The following ERC2 variants were observed in gnomAD, a reference collection of about 807,000 sequenced individuals.
ERC2 encodes the protein ELKS/RAB6-interacting/CAST family member 2, also known as ERC protein 2.
In ERC2, 42 loss-of-function variants were observed where a neutral mutation model predicts 114.8. The ratio of observed to expected loss-of-function variants is 0.37; its 90% CI spans 0.29 to 0.47. The LOEUF is 0.47. Ranked by LOEUF, ERC2 falls within the 20% of genes least tolerant of loss-of-function variation. The pLI, the probability that ERC2 is intolerant of heterozygous loss-of-function variation, is 0.99. For synonymous variants in ERC2, 454 were observed against 425.5 expected (o/e 1.07, Z -0.82); for missense variants, 939 against 1,150.7 (o/e 0.82, Z 2.66).
chr3:55,729,292 T>C (rs2065104528), intron 15 of ERC2, among the ~76,000 whole-genome samples: 1 of 152,136 alleles, frequency 6.6e-6, no homozygotes, highest in African/African-American at 2.4e-5. Flanking sequence ...ACACTTCTGC[T>C]TCATTCCGTC....
intron 6 of ERC2, among the ~76,000 whole-genome samples, chr3:56,124,762 C>T (rs1264603331): frequency 6.6e-6 from 1 of 151,904 alleles, no homozygotes; most frequent in Non-Finnish European, 1.5e-5. Context: ...AGGTGTCTGC[C>T]AGGACATAAA....
intron 1 of ERC2, among the ~76,000 whole-genome samples, chr3:56,461,775 A>G (rs2063330088): frequency 6.6e-6 from 1 of 152,204 alleles, no homozygotes; most frequent in African/African-American, 2.4e-5. Flanking sequence ...CTGGACCCTA[A>G]ATTTCCAGAA....
At chr3:55,711,189 G>C (rs1226213802) in intron 15 of ERC2, among the ~76,000 whole-genome samples, 1 of 152,136 alleles carries the variant, frequency 6.6e-6, no homozygotes, top group Non-Finnish European at 1.5e-5. Flanking sequence ...CATTTCCTTT[G>C]AGATAGGAGC....
intron 2 of ERC2, among the ~76,000 whole-genome samples, chr3:56,335,228 A>G (rs2057795994): frequency 6.6e-6 from 1 of 152,260 alleles, no homozygotes; most frequent in South Asian, 2.1e-4. Context: ...TGGATATTCT[A>G]TTCAACTATA....
chr3:55,926,283 T>C (rs1294091184), intron 13 of ERC2, among the ~76,000 whole-genome samples: 1 of 152,038 alleles, frequency 6.6e-6, no homozygotes, highest in Non-Finnish European at 1.5e-5. Context: ...GTCCAGAAGC[T>C]TGGAAAAATA....
At chr3:55,941,787 A>C (rs928288283) in intron 13 of ERC2, among the ~76,000 whole-genome samples, 11 of 152,132 alleles carry the variant, frequency 7.2e-5, no homozygotes, top group Admixed American at 6.5e-4. Context: ...AATAACTTAA[A>C]CTAATTTTTA....
chr3:55,636,986 C>A (rs1169820360), intron 17 of ERC2, among the ~76,000 whole-genome samples: 1 of 152,202 alleles, frequency 6.6e-6, no homozygotes, highest in African/African-American at 2.4e-5. Flanking sequence ...CCCTGTCACA[C>A]ACTTCCCGAC....
chr3:56,212,692 G>A (rs1488285372), intron 3 of ERC2, among the ~76,000 whole-genome samples: 1 of 152,044 alleles, frequency 6.6e-6, no homozygotes, highest in Non-Finnish European at 1.5e-5. Context: ...CAAAAATATG[G>A]AACCAGCCCA....
chr3:56,361,817 T>A (rs911699013), intron 2 of ERC2, among the ~76,000 whole-genome samples: 1 of 152,076 alleles, frequency 6.6e-6, no homozygotes, highest in African/African-American at 2.4e-5. Context: ...GGGAGATGCA[T>A]CGTAAATCAT....
chr3:55,852,993 A>G (rs2061639120), intron 14 of ERC2, among the ~76,000 whole-genome samples: 1 of 152,192 alleles, frequency 6.6e-6, no homozygotes, highest in South Asian at 2.1e-4. Context: ...ACATGCCAGT[A>G]GCATACCTTC....
intron 17 of ERC2, among the ~76,000 whole-genome samples, chr3:55,537,289 G>A (rs575560549): frequency 6.6e-6 from 1 of 152,338 alleles, no homozygotes; most frequent in Admixed American, 6.5e-5. Context: ...TTAGAAACCA[G>A]GATAGGTTTG....
chr3:55,510,365 C>G lies in ERC2; in HGVS notation c.*951G>C, dbSNP rs1255388679. The G allele has an allele frequency of 6.6e-6, 1 of 152,284 alleles. No individual in the cohort carries two copies. Among genetic ancestry groups the G allele is most frequent in the African/African-American group, 2.4e-5 (1 of 41,386 alleles). The allele number at this position is 152,284 out of a possible 1,614,324, so 9.4% of individuals were successfully genotyped here. ...ATCTTGAAATGTGAATGAGTCCCAGCTTCTTCATGGAGACCTGCATGCACC... is the reference window on the plus strand; with the variant it reads ...ATCTTGAAATGTGAATGAGTCCCAGGTTCTTCATGGAGACCTGCATGCACC... On this transcript the variant is annotated 3_prime_UTR_variant, in exon 18 of 18. Coordinates refer to ENST00000288221, the MANE Select transcript of ERC2 (RefSeq NM_015576.3).
chr3:56,192,409 T>G (rs1479881264), intron 3 of ERC2, among the ~76,000 whole-genome samples: 1 of 152,220 alleles, frequency 6.6e-6, no homozygotes, highest in Admixed American at 6.5e-5. Flanking sequence ...GAAAATAATG[T>G]ACATAATCTC....
At chr3:56,095,959 C>A (rs1576912676) in intron 6 of ERC2, among the ~76,000 whole-genome samples, 2 of 152,246 alleles carry the variant, frequency 1.3e-5, no homozygotes, top group East Asian at 3.9e-4. Flanking sequence ...AAGGTCAAAT[C>A]TTAACCTTCC....
intron 14 of ERC2, among the ~76,000 whole-genome samples, chr3:55,753,409 C>T (rs1408437701): frequency 6.6e-6 from 1 of 152,190 alleles, no homozygotes; most frequent in Non-Finnish European, 1.5e-5. Flanking sequence ...AAGAGGTTCA[C>T]AGAAGATCCC....
At chr3:56,335,575 C>T (rs1368780809) in intron 2 of ERC2, among the ~76,000 whole-genome samples, 1 of 152,098 alleles carries the variant, frequency 6.6e-6, no homozygotes, top group Non-Finnish European at 1.5e-5. Flanking sequence ...AGACAAAATG[C>T]AATATCGTGG....
chr3:56,194,359 G>T (rs2047967969), intron 3 of ERC2, among the ~76,000 whole-genome samples: 1 of 152,164 alleles, frequency 6.6e-6, no homozygotes, highest in Admixed American at 6.5e-5. Flanking sequence ...CCTAGATTAT[G>T]CGGCGAGGCC....
intron 4 of ERC2, among the ~76,000 whole-genome samples, chr3:56,164,498 T>C (rs1025859195): frequency 1.3e-5 from 2 of 152,132 alleles, no homozygotes; most frequent in Non-Finnish European, 2.9e-5. Context: ...ATATATCAGA[T>C]GATAGACATT....
intron 4 of ERC2, among the ~76,000 whole-genome samples, chr3:56,170,594 T>TGG (rs1553861380): frequency 1.6e-5 from 2 of 127,336 alleles, no homozygotes; most frequent in Non-Finnish European, 1.7e-5. Flanking sequence ...TGTTTTTTTT[T>TGG]TTTTTTTTTT....
Sources: gnomAD v4.1 joint callset for allele counts (sites outside exome capture counted in the v4.1 genomes callset) on GRCh38, gnomAD v4.1.1 for gene constraint, MANE v1.5 for transcripts, NCBI Gene and HGNC (gene_info 2026-07-23, HGNC 2026-07-21) for gene names.